CSMD3: variants seen among roughly 807,000 people sequenced by gnomAD.
The protein encoded by CSMD3 is CUB and Sushi multiple domains 3.
A neutral mutation model predicts 435.2 loss-of-function variants in CSMD3; 177 were observed. That is an observed-to-expected ratio of 0.41 (90% CI 0.36 to 0.46). The LOEUF is 0.46. CSMD3 is among the 20% of genes least tolerant of loss of function. The pLI is 0.34. For synonymous variants in CSMD3, 1,656 were observed against 1,520.5 expected (o/e 1.09, Z -2.07); for missense variants, 4,265 against 4,504.6 (o/e 0.95, Z 1.52).
At chr8:113,072,210 A>T (rs2089151912) in intron 5 of CSMD3, among the ~76,000 whole-genome samples, 1 of 151,736 alleles carries the variant, frequency 6.6e-6, no homozygotes, top group Non-Finnish European at 1.5e-5. Flanking sequence ...TTTGGTGAGA[A>T]CTTAGGGTTT....
chr8:113,081,936 A>G (rs2089582182), intron 5 of CSMD3, among the ~76,000 whole-genome samples: 1 of 152,148 alleles, frequency 6.6e-6, no homozygotes. Flanking sequence ...TGCAGCTGCC[A>G]GCAAGAACAT....
chr8:112,256,756 G>C (rs1033627247), intron 61 of CSMD3, among the ~76,000 whole-genome samples: 4 of 152,150 alleles, frequency 2.6e-5, no homozygotes, highest in Admixed American at 6.5e-5. Context: ...GCACCTGAAA[G>C]CTTACTTCCC....
chr8:113,336,956 C>A (rs568119217), intron 1 of CSMD3, among the ~76,000 whole-genome samples: 1 of 152,170 alleles, frequency 6.6e-6, no homozygotes, highest in South Asian at 2.1e-4. Flanking sequence ...TCTTTTTTTG[C>A]TGTGGATAAG....
chr8:113,268,013 C>G (rs553536677), intron 3 of CSMD3, among the ~76,000 whole-genome samples: 1 of 151,638 alleles, frequency 6.6e-6, no homozygotes, highest in South Asian at 2.1e-4. Context: ...CCTCTAAATG[C>G]TTGAACTATA....
intron 1 of CSMD3, among the ~76,000 whole-genome samples, chr8:113,405,848 T>C (rs1284041105): frequency 2.0e-5 from 3 of 151,834 alleles, no homozygotes; most frequent in African/African-American, 7.2e-5. Flanking sequence ...CATGCTTCCA[T>C]ATTTTTTATT....
At chr8:112,350,590 T>A (rs1315010085) in intron 40 of CSMD3, among the ~76,000 whole-genome samples, 1 of 151,884 alleles carries the variant, frequency 6.6e-6, no homozygotes, top group Non-Finnish European at 1.5e-5. Flanking sequence ...TACAGCCCAG[T>A]ATATTAATAG....
intron 3 of CSMD3, among the ~76,000 whole-genome samples, chr8:113,219,131 G>A (rs2092939000): frequency 6.6e-6 from 1 of 151,284 alleles, no homozygotes; most frequent in African/African-American, 2.4e-5. Context: ...TTTAAAGGAG[G>A]AAATTAAAGG....
intron 11 of CSMD3, among the ~76,000 whole-genome samples, chr8:112,832,971 T>C (rs2079919779): frequency 1.3e-5 from 2 of 152,146 alleles, no homozygotes; most frequent in Admixed American, 6.6e-5. Context: ...CTATTCTGTA[T>C]ATAAGTATGT....
intron 13 of CSMD3, among the ~76,000 whole-genome samples, chr8:112,795,136 T>C (rs1587319438): frequency 6.6e-6 from 1 of 152,322 alleles, no homozygotes; most frequent in East Asian, 1.9e-4. Context: ...TGACTCATTC[T>C]TTAATACTAC....
chr8:112,920,663 A>T (rs1419993928), intron 10 of CSMD3, among the ~76,000 whole-genome samples: 1 of 151,812 alleles, frequency 6.6e-6, no homozygotes, highest in Non-Finnish European at 1.5e-5. Flanking sequence ...ATGGGTAGTC[A>T]AATTGACTTA....
chr8:112,328,088 C>T (rs1046160720), intron 45 of CSMD3, among the ~76,000 whole-genome samples: 11 of 152,134 alleles, frequency 7.2e-5, no homozygotes, highest in Non-Finnish European at 1.3e-4. Context: ...TTACAGAGGA[C>T]AGAAATAACG....
chr8:113,375,799 CAGAGAAA>C (rs1186038803), intron 1 of CSMD3, among the ~76,000 whole-genome samples: 1 of 151,914 alleles, frequency 6.6e-6, no homozygotes, highest in Non-Finnish European at 1.5e-5. Flanking sequence ...ATTAGAAGAA[CAGAGAAA>C]TGAAGTAAGA....
intron 13 of CSMD3, among the ~76,000 whole-genome samples, chr8:112,794,061 C>A (rs2078760868): frequency 6.6e-6 from 1 of 151,920 alleles, no homozygotes; most frequent in South Asian, 2.1e-4. Flanking sequence ...GACCAAGTTC[C>A]TTTCAGGAAC....
At chr8:112,356,074 C>T (rs1406516936) in intron 38 of CSMD3, among the ~76,000 whole-genome samples, 2 of 152,168 alleles carry the variant, frequency 1.3e-5, no homozygotes, top group East Asian at 3.9e-4. Flanking sequence ...AATGCTTTTA[C>T]ACTGTTGGTG....
intron 54 of CSMD3, 101 bp from the exon 55 acceptor site, chr8:112,292,811 G>A (rs1268749401): frequency 2.0e-6 from 2 of 1,019,038 alleles, no homozygotes; most frequent in African/African-American, 1.6e-5. Flanking sequence ...TTCAAACAAA[G>A]TAGAAAGAAG....
intron 5 of CSMD3, among the ~76,000 whole-genome samples, chr8:113,039,204 T>C (rs1305221963): frequency 2.6e-5 from 4 of 152,278 alleles, no homozygotes; most frequent in Admixed American, 1.3e-4. Flanking sequence ...TTAACCATGT[T>C]GTATTTGCAT....
intron 16 of CSMD3, among the ~76,000 whole-genome samples, chr8:112,671,720 A>T (rs963439703): frequency 3.3e-5 from 5 of 152,106 alleles, no homozygotes; most frequent in Non-Finnish European, 7.4e-5. Context: ...AAATTGTTAA[A>T]TTCCTAGTTA....
intron 10 of CSMD3, among the ~76,000 whole-genome samples, chr8:112,869,056 T>C (rs145859155): frequency 6.6e-6 from 1 of 152,200 alleles, no homozygotes; most frequent in Non-Finnish European, 1.5e-5. Flanking sequence ...AGTGGGGATT[T>C]TGGTGGATTC....
intron 4 of CSMD3, among the ~76,000 whole-genome samples, chr8:113,157,826 C>T (rs1187405795): frequency 6.6e-6 from 1 of 152,014 alleles, no homozygotes; most frequent in Non-Finnish European, 1.5e-5. Flanking sequence ...AAATGGCTAC[C>T]TCGTCAAGAA....
Sources: allele counts gnomAD v4.1 joint callset (sites outside exome capture counted in the v4.1 genomes callset), GRCh38; gene constraint gnomAD v4.1.1; transcripts MANE v1.5; gene names NCBI Gene and HGNC (gene_info 2026-07-23, HGNC 2026-07-21).